Variants in SH3BP4 observed in about 807,000 individuals in gnomAD.
SH3BP4 encodes SH3 domain-binding protein 4.
Under a neutral mutation model 65.5 loss-of-function variants are expected in SH3BP4, and 33 were observed. That is an observed-to-expected ratio of 0.50 (90% CI 0.38 to 0.67). The LOEUF is 0.67. SH3BP4 is among the 30% of genes least tolerant of loss of function. The pLI is 0.00. For synonymous variants in SH3BP4, 552 were observed against 545.5 expected, an observed-to-expected ratio of 1.01 and a Z score of -0.17; for missense variants, 1,134 against 1,261.4, an observed-to-expected ratio of 0.90 and a Z score of 1.53.
At chr2:234,966,028 T>C (rs532514942) in intron 1 of SH3BP4, among the ~76,000 whole-genome samples, 4 of 152,200 alleles carry the variant, frequency 2.6e-5, no homozygotes, top group Non-Finnish European at 5.9e-5. Context: ...CATCTCCTGC[T>C]CACTACACCT....
chr2:234,957,135 C>T (rs531172481), intron 1 of SH3BP4, among the ~76,000 whole-genome samples: 2 of 152,292 alleles, frequency 1.3e-5, no homozygotes, highest in Non-Finnish European at 2.9e-5. Flanking sequence ...GTTCTCCTAC[C>T]TCAGCCTCCT....
intron 2 of SH3BP4, among the ~76,000 whole-genome samples, chr2:235,018,173 G>A (rs1347846864): frequency 6.6e-6 from 1 of 152,148 alleles, no homozygotes; most frequent in Admixed American, 6.5e-5. Context: ...AGTTGGATGA[G>A]GTGATTGTTT....
chr2:234,962,988 G>C (rs542225163), intron 1 of SH3BP4, among the ~76,000 whole-genome samples: 1 of 152,114 alleles, frequency 6.6e-6, no homozygotes, highest in Non-Finnish European at 1.5e-5. Context: ...GATCCCAAGC[G>C]ATCCAACTGC....
rs1036828392 is a variant in SH3BP4, at chr2:234,952,948, CG to C, written c.-207+783del. ...CCTAGCCCGGGGCCTGCGGTGTAGA[CG>C]GGGGTTGGGGACAGGCCCAGCTGGC... On this transcript the variant is annotated intron_variant, in intron 1 of 5. Transcript: ENST00000392011. This position sits in a 1 kb window ranked among gnomAD's most constrained non-coding sequence, Gnocchi z 6.5. 4 of 151,858 alleles carry C rather than the reference CG, an allele frequency of 2.6e-5. No individual in the cohort carries two copies. Among genetic ancestry groups the C allele is most frequent in the African/African-American group, 9.7e-5 (4 of 41,364 alleles). The allele number at this position is 151,858 out of a possible 1,614,324, so 9.4% of individuals were successfully genotyped here. A position where few individuals can be genotyped will look rare whatever the true frequency, so the allele number is the denominator to read the frequency against.
At position 235,042,535 on chromosome 2, in the gene SH3BP4, T is replaced by TGCGGG. The variant is rs1220264290; in HGVS notation, c.1767_1771dup (p.Val591GlyfsTer5). The stretch of plus-strand genomic sequence containing the variant: ...CCCAACGAGCTCTCTGACTTCACGC[T>TGCGGG]GCGGGTTCAGGTGAAGGACGACCAG... On this transcript the variant is annotated frameshift_variant, in exon 4 of 6. Coordinates refer to ENST00000392011, the MANE Select transcript of SH3BP4 (RefSeq NM_014521.3). LOFTEE classifies it high-confidence loss of function. The surrounding 1 kb of genome is among the most constrained non-coding windows in gnomAD (Gnocchi z 7.3). 1 of 1,614,140 alleles carries TGCGGG rather than the reference T, an allele frequency of 6.2e-7. No homozygotes were observed. Among genetic ancestry groups the TGCGGG allele is most frequent in the East Asian group, 2.2e-5 (1 of 44,870 alleles).
At chr2:235,032,354 T>C (rs1038009230) in intron 2 of SH3BP4, among the ~76,000 whole-genome samples, 3 of 152,220 alleles carry the variant, frequency 2.0e-5, no homozygotes, top group South Asian at 2.1e-4. Flanking sequence ...CAAGTACCAG[T>C]TGTGGGCTGG....
Position 235,033,471 on chromosome 2 carries a change from G to A in SH3BP4, c.-132-1400G>A, listed in dbSNP as rs910174088. On this transcript the variant is annotated intron_variant, in intron 2 of 5. Transcript: ENST00000392011. This position sits in a 1 kb window ranked among gnomAD's most constrained non-coding sequence, Gnocchi z 5.7. ...CAACATAGGAGTTTCGGGAAACACAGTTCAGTCCGTAACACATGCCTTCTC... is the reference window on the plus strand; with the variant it reads ...CAACATAGGAGTTTCGGGAAACACAATTCAGTCCGTAACACATGCCTTCTC... Among the ~76,000 whole-genome samples, 1 of 152,186 alleles carries A rather than the reference G, an allele frequency of 6.6e-6. No individual in the cohort carries two copies. Among genetic ancestry groups the A allele is most frequent in the Non-Finnish European group, 1.5e-5 (1 of 68,030 alleles).
intron 2 of SH3BP4, among the ~76,000 whole-genome samples, chr2:235,019,641 G>T (rs1011942819): frequency 5.9e-5 from 9 of 151,790 alleles, no homozygotes; most frequent in African/African-American, 2.2e-4. Context: ...TCACCATGTT[G>T]GTCAGTCTGG....
intron 1 of SH3BP4, among the ~76,000 whole-genome samples, chr2:234,975,208 C>T (rs1029938103): frequency 2.0e-5 from 3 of 152,152 alleles, no homozygotes; most frequent in African/African-American, 7.2e-5. Context: ...TTCTTGCCTC[C>T]AGGAAATGGC....
At position 234,955,360 on chromosome 2, in the gene SH3BP4, G is replaced by C. The variant is rs115571036; in HGVS notation, c.-207+3190G>C. Among the ~76,000 whole-genome samples the C allele has an allele frequency of 8.9e-3, 1,350 of 152,208 alleles. 15 individuals are homozygous for C. The highest frequency in any genetic ancestry group is 0.03 in the African/African-American group (1,248 of 41,530). ...AAGCCTCACATTCTGCCACCACCCT[G>C]TGGAGCAGTGACAGAAAAACAATTC... On this transcript the variant is annotated intron_variant, in intron 1 of 5. Transcript: ENST00000392011.
In SH3BP4 at chr2:235,035,192, T is replaced by G. The variant is rs181249900; in HGVS notation, c.118+72T>G. ...TTTTCAAGTTGGGATCCAAGAACTT[T>G]TCTGCTTTAAAGATTGCCAGTTTAG... On this transcript the variant is annotated intron_variant, in intron 3 of 5. Coordinates refer to ENST00000392011, the MANE Select transcript of SH3BP4 (RefSeq NM_014521.3). The surrounding 1 kb of genome is among the most constrained non-coding windows in gnomAD (Gnocchi z 5.0). The G allele has an allele frequency of 2.6e-6, 3 of 1,147,060 alleles. No homozygotes were observed. Among genetic ancestry groups the G allele is most frequent in the African/African-American group, 3.0e-5 (2 of 65,788 alleles). 71.1% of individuals were successfully genotyped at this position (1,147,060 alleles called of 1,614,324 possible).
chr2:235,035,276 G>A lies in SH3BP4; in HGVS notation c.118+156G>A, dbSNP rs2106325393. 6.6e-6 allele frequency among the ~76,000 whole-genome samples: 1 copy of A among 152,256 alleles called. No homozygotes were observed. Among genetic ancestry groups the A allele is most frequent in the Middle Eastern group, 3.4e-3 (1 of 294 alleles). ...TCATCATGGTAATAGATTTAGCCCT[G>A]GAATCATAGTCACTTGTCTTATTTT... is the stretch of plus-strand genomic sequence containing the variant. On this transcript the variant is annotated intron_variant, in intron 3 of 5. Transcript: ENST00000392011. This position sits in a 1 kb window ranked among gnomAD's most constrained non-coding sequence, Gnocchi z 5.0.
In SH3BP4 at chr2:235,033,669, A is replaced by G. The variant is rs529279965; in HGVS notation, c.-132-1202A>G. 8.5e-5 allele frequency among the ~76,000 whole-genome samples: 13 copies of G among 152,206 alleles called. No homozygotes were observed. Among genetic ancestry groups the G allele is most frequent in the Non-Finnish European group, 1.3e-4 (9 of 68,016 alleles). On this transcript the variant is annotated intron_variant, in intron 2 of 5. Transcript: ENST00000392011. The surrounding 1 kb of genome is among the most constrained non-coding windows in gnomAD (Gnocchi z 5.7). ...AAATATTGAACACAAGATGGTCCCT[A>G]TAGCAGCATGTGGACACACGCCTTG... is the stretch of plus-strand genomic sequence containing the variant.
At chr2:235,016,260 A>G (rs1694682199) in intron 2 of SH3BP4, among the ~76,000 whole-genome samples, 1 of 152,132 alleles carries the variant, frequency 6.6e-6, no homozygotes, top group South Asian at 2.1e-4. Context: ...CACGAGGCAC[A>G]TCTGAGGAAT....
intron 2 of SH3BP4, among the ~76,000 whole-genome samples, chr2:235,014,117 G>A (rs770350045): frequency 2.0e-5 from 3 of 152,134 alleles, no homozygotes; most frequent in South Asian, 4.2e-4. Flanking sequence ...ATGCCTTTGC[G>A]TGGCTCTTAC....
At chr2:235,022,648 A>G (rs4663537) in intron 2 of SH3BP4, among the ~76,000 whole-genome samples, 15,309 of 152,238 alleles carry the variant, frequency 0.1, 1,154 homozygotes, top group East Asian at 0.26. Context: ...CAGATAAGCA[A>G]GGCTTTTCTT....
intron 4 of SH3BP4, among the ~76,000 whole-genome samples, chr2:235,049,254 A>G (rs1695970516): frequency 6.6e-6 from 1 of 152,204 alleles, no homozygotes; most frequent in Non-Finnish European, 1.5e-5. Context: ...TGTGTTTCCC[A>G]GGACCTTGGG....
intron 4 of SH3BP4, among the ~76,000 whole-genome samples, chr2:235,049,149 C>T (rs914067531): frequency 6.6e-6 from 1 of 152,132 alleles, no homozygotes; most frequent in South Asian, 2.1e-4. Context: ...TTGGAAGTGC[C>T]GACCTCTCCT....
At position 235,045,200 on chromosome 2, in the gene SH3BP4, C is replaced by T. The variant is rs1004526306; in HGVS notation, c.2478+1953C>T. ...GTGAGAGCCTCTGTGCGGGCGGCCC[C>T]GAGACCACAGCCGTGGCTGTGCATG... On this transcript the variant is annotated intron_variant, in intron 4 of 5. Transcript: ENST00000392011. This position sits in a 1 kb window ranked among gnomAD's most constrained non-coding sequence, Gnocchi z 4.3. Among the ~76,000 whole-genome samples the T allele has an allele frequency of 4.6e-5, 7 of 152,164 alleles. No individual in the cohort carries two copies. Among genetic ancestry groups the T allele is most frequent in the East Asian group, 1.9e-4 (1 of 5,170 alleles).
Sources: gnomAD v4.1 joint callset for allele counts (sites outside exome capture counted in the v4.1 genomes callset) on GRCh38, gnomAD v4.1.1 for gene constraint, Gnocchi (gnomAD v3.1) non-coding constraint, MANE v1.5 for transcripts, NCBI Gene and HGNC (gene_info 2026-07-23, HGNC 2026-07-21) for gene names.